GRTP1: variants seen among roughly 807,000 people sequenced by gnomAD.
GRTP1 encodes the protein growth hormone regulated TBC protein 1.
In GRTP1, 56 loss-of-function variants were observed where a neutral mutation model predicts 38.1. The ratio of observed to expected loss-of-function variants is 1.47; its 90% CI spans 1.19 to 1.84. The LOEUF is 1.84. Ranked by LOEUF, GRTP1 falls within the 40% of genes most tolerant of loss-of-function variation. The pLI, the probability that GRTP1 is intolerant of heterozygous loss-of-function variation, is 0.00. For missense variants in GRTP1, 506 were observed against 453.9 expected, an observed-to-expected ratio of 1.11 and a Z score of -1.04; for synonymous variants, 217 against 189.5, an observed-to-expected ratio of 1.14 and a Z score of -1.19.
At chr13:113,356,808 G>C (rs925475261) in intron 2 of GRTP1, among the ~76,000 whole-genome samples, 1 of 152,132 alleles carries the variant, frequency 6.6e-6, no homozygotes, top group African/African-American at 2.4e-5. Flanking sequence ...ATCTGGACAC[G>C]AGCAGATGAT....
chr13:113,361,907 G>C (rs1345328184), intron 2 of GRTP1: 2 of 152,158 alleles, frequency 1.3e-5, no homozygotes, highest in Non-Finnish European at 2.9e-5. Context: ...CCAGCATTTT[G>C]GGAGGCCAAC....
chr13:113,348,946 ACATCTC>A lies in GRTP1; in HGVS notation c.465+1897_465+1902del, dbSNP rs564688257. Among the ~76,000 whole-genome samples the A allele has an allele frequency of 2.4e-4, 36 of 152,314 alleles. No homozygotes were observed. The highest frequency in any genetic ancestry group is 8.4e-4 in the African/African-American group (35 of 41,574). ...GGGCCCACAGCAAGCTAACAGGTGC[ACATCTC>A]CGCACACACATGTACGTATGTGCCT... On this transcript the variant is annotated intron_variant, in intron 4 of 7. Transcript: ENST00000375431. This position sits in a 1 kb window ranked among gnomAD's most constrained non-coding sequence, Gnocchi z 4.8.
intron 3 of GRTP1, among the ~76,000 whole-genome samples, chr13:113,354,365 T>A (rs1318129175): frequency 6.6e-6 from 1 of 152,180 alleles, no homozygotes; most frequent in Non-Finnish European, 1.5e-5. Context: ...GGCAGCAGGA[T>A]GCACCATGTC....
At position 113,324,585 on chromosome 13, in the gene GRTP1, GC is replaced by G. The variant is rs1310379642; in HGVS notation, c.922-9del. ...AGGTTCTGAAAATATTTTCTGGAAG[GC>G]AAACAGTTAGTTTAAAAACAAACCC... On this transcript the variant is annotated splice_polypyrimidine_tract_variant and intron_variant, in intron 7 of 7. Transcript: ENST00000375431. 5 of 1,597,660 alleles carry G rather than the reference GC, an allele frequency of 3.1e-6. No homozygotes were observed. The African/African-American group carries it at 6.7e-5, about 21-fold the overall frequency.
In GRTP1 at chr13:113,333,075, C is replaced by T. The variant is rs185853154; in HGVS notation, c.563-6984G>A. On this transcript the variant is annotated intron_variant, in intron 5 of 7. Coordinates refer to ENST00000375431, the MANE Select transcript of GRTP1 (RefSeq NM_024719.4). ...TTCTAATGGACTCATGACATCAGGT[C>T]TTGATTCAGCCACCAGTCTGCAGGA... 2.9e-3 allele frequency among the ~76,000 whole-genome samples: 448 copies of T among 152,348 alleles called. 1 individual carries two copies. The highest frequency in any genetic ancestry group is 6.5e-3 in the Admixed American group (100 of 15,306).
chr13:113,347,178 G>A (rs368244348), intron 4 of GRTP1, among the ~76,000 whole-genome samples: 2 of 48,696 alleles, frequency 4.1e-5, no homozygotes, highest in South Asian at 8.3e-4. Context: ...GTGGCAGAGA[G>A]CAGACCCAGG....
chr13:113,325,269 G>T, intron 7 of GRTP1: 2 of 1,257,416 alleles, frequency 1.6e-6, no homozygotes, highest in Non-Finnish European at 2.0e-6. Flanking sequence ...CTGGCGTCTT[G>T]GCTTCCTCAG....
chr13:113,345,381 T>C (rs749981551), intron 4 of GRTP1, among the ~76,000 whole-genome samples: 1 of 152,244 alleles, frequency 6.6e-6, no homozygotes, highest in African/African-American at 2.4e-5. Flanking sequence ...ACGCGGGTGT[T>C]AGGAGAATTT....
At position 113,324,592 on chromosome 13, in the gene GRTP1, GTTAGT is replaced by G; in HGVS notation, c.922-20_922-16del. The G allele has an allele frequency of 6.3e-7, 1 of 1,589,534 alleles. No individual in the cohort carries two copies. The highest frequency in any genetic ancestry group is 8.6e-7 in the Non-Finnish European group (1 of 1,167,230). ...GAAAATATTTTCTGGAAGGCAAACA[GTTAGT>G]TTAAAAACAAACCCAACAACCCATT... On this transcript the variant is annotated splice_polypyrimidine_tract_variant and intron_variant, in intron 7 of 7. Transcript: ENST00000375431.
intron 5 of GRTP1, among the ~76,000 whole-genome samples, chr13:113,330,936 T>C (rs1247412061): frequency 3.3e-5 from 4 of 120,884 alleles, no homozygotes; most frequent in African/African-American, 6.5e-5. Flanking sequence ...GGAGCCCAGG[T>C]GTGTGCATGG....
At position 113,324,493 on chromosome 13, in the gene GRTP1, C is replaced by T; in HGVS notation, c.1006G>A (p.Gly336Arg). 3 of 1,608,802 alleles carry T rather than the reference C, an allele frequency of 1.9e-6. No homozygotes were observed. In the South Asian group the frequency reaches 3.3e-5, roughly 18 times the overall value. The part of the protein sequence containing the change: ...ESCRARLLAQ[G>R] ...AACGCAGGGGACAGGCACGCTCACC[C>T]CTGTGCCAGCAGCCGGGCCCTGCAG... Residue 336 changes from glycine (G) to arginine (R), a missense_variant, in exon 8 of 8, where the codon GGG becomes AGG. Physicochemically the swap from Gly to Arg is moderately radical, Grantham distance 125. Coordinates refer to ENST00000375431, the MANE Select transcript of GRTP1 (RefSeq NM_024719.4).
At chr13:113,327,372 G>A (rs2042790008) in intron 5 of GRTP1, among the ~76,000 whole-genome samples, 1 of 152,224 alleles carries the variant, frequency 6.6e-6, no homozygotes, top group Admixed American at 6.5e-5. Context: ...TAGAGACAAA[G>A]TTTCACCATA....
rs532090896 is a variant in GRTP1, at chr13:113,348,918, T to C, written c.465+1931A>G. On this transcript the variant is annotated intron_variant, in intron 4 of 7. Transcript: ENST00000375431. The surrounding 1 kb of genome is among the most constrained non-coding windows in gnomAD (Gnocchi z 4.8). ...TGTTTACCAGGCTGTGGCATTTCCT[T>C]AGGGGCCCACAGCAAGCTAACAGGT... Among the ~76,000 whole-genome samples the C allele has an allele frequency of 1.3e-5, 2 of 152,260 alleles. No homozygotes were observed. Among genetic ancestry groups the C allele is most frequent in the South Asian group, 2.1e-4 (1 of 4,826 alleles).
chr13:113,344,708 G>A (rs532965844), intron 5 of GRTP1, among the ~76,000 whole-genome samples, 155 bp downstream of exon 5: 248 of 56,554 alleles, frequency 4.4e-3, no homozygotes, highest in African/African-American at 0.016. Context: ...GCGAGACTCC[G>A]TCTCAAAAAA....
At chr13:113,347,628 ACC>A (rs2043182110) in intron 4 of GRTP1, among the ~76,000 whole-genome samples, 1 of 62,972 alleles carries the variant, frequency 1.6e-5, no homozygotes, top group Non-Finnish European at 3.3e-5. Flanking sequence ...CTGAGAGCGG[ACC>A]TGGGAGGACC....
rs2139520414 is a variant in GRTP1, at chr13:113,355,378, G to A, written c.285C>T (p.Tyr95=). ...TTCTCTCTCCCTGGAGAAGCTGGTGGTAGTAGCCGGGATTCTGGTCCATCT... is the reference window on the plus strand; with the variant it reads ...TTCTCTCTCCCTGGAGAAGCTGGTGATAGTAGCCGGGATTCTGGTCCATCT... ...QAQMDQNPGY[Y]HQLLQGERNP... is the part of the protein sequence containing the mutation. The change falls in exon 3 of 8, where the codon TAC becomes TAT. Residue 95 remains tyrosine (Y), a synonymous_variant. Coordinates refer to ENST00000375431, the MANE Select transcript of GRTP1 (RefSeq NM_024719.4). 6.2e-7 allele frequency: 1 copy of A among 1,614,136 alleles called. No homozygotes were observed. Among genetic ancestry groups the A allele is most frequent in the South Asian group, 1.1e-5 (1 of 91,090 alleles).
Position 113,325,676 on chromosome 13 carries a change from A to G in GRTP1, c.906T>C (p.Cys302=), listed in dbSNP as rs1215511845. The G allele has an allele frequency of 6.2e-7, 1 of 1,614,148 alleles. No individual in the cohort carries two copies. Among genetic ancestry groups the G allele is most frequent in the Non-Finnish European group, 8.5e-7 (1 of 1,180,002 alleles). Reference sequence around the variant, plus strand: ...CCCCACACACCTGCATAAACGTGTGACACTCCATCACGAAACTCCCTTTGG... The same window carrying G: ...CCCCACACACCTGCATAAACGTGTGGCACTCCATCACGAAACTCCCTTTGG... The part of the protein sequence containing the change: ...QITKGSFVME[C]HTFMQKIFSE... Residue 302 remains cysteine, a synonymous_variant, in exon 7 of 8, where the codon TGT becomes TGC. Transcript: ENST00000375431.
chr13:113,335,252 C>T (rs917064702), intron 5 of GRTP1, among the ~76,000 whole-genome samples: 5 of 152,032 alleles, frequency 3.3e-5, no homozygotes, highest in Non-Finnish European at 1.5e-5. Flanking sequence ...TTCAATGTGT[C>T]ATGATCAGAC....
intron 2 of GRTP1, chr13:113,359,629 G>A (rs563185958): frequency 6.6e-6 from 1 of 152,260 alleles, no homozygotes; most frequent in South Asian, 2.1e-4. Context: ...ATGGCTAAAT[G>A]CACCAGCTCT....
Sources: allele counts gnomAD v4.1 joint callset (sites outside exome capture counted in the v4.1 genomes callset), GRCh38; gene constraint gnomAD v4.1.1; non-coding constraint Gnocchi (gnomAD v3.1); transcripts MANE v1.5; gene names NCBI Gene and HGNC (gene_info 2026-07-23, HGNC 2026-07-21).